The following HNF4G variants were observed in gnomAD, a reference collection of about 807,000 sequenced individuals.
HNF4G encodes the protein hepatocyte nuclear factor 4-gamma.
A neutral mutation model predicts 50.9 loss-of-function variants in HNF4G; 21 were observed. The ratio of observed to expected loss-of-function variants is 0.41; its 90% CI spans 0.29 to 0.59. The LOEUF (loss-of-function observed/expected upper bound fraction) is 0.59, where lower values mean the gene tolerates loss of function less well. HNF4G is among the 20% of genes least tolerant of loss of function. HNF4G has a pLI of 0.26. For synonymous variants in HNF4G, 198 were observed against 185.6 expected (o/e 1.07, Z -0.54); for missense variants, 527 against 559.4 (o/e 0.94, Z 0.58).
rs542246055 is a variant in HNF4G, at chr8:75,466,570, CTCCTTCCTTCCT to C, written c.-143-23464_-143-23453del. 6.1e-3 allele frequency among the ~76,000 whole-genome samples: 398 copies of C among 64,878 alleles called. 18 individuals carry two copies. Among genetic ancestry groups the C allele is most frequent in the Middle Eastern group, 0.031 (3 of 96 alleles). 42.6% of individuals were successfully genotyped at this position (64,878 alleles called of 152,430 possible). A position where few individuals can be genotyped will look rare whatever the true frequency, so the allele number is the denominator to read the frequency against. ...CTCCTTCTTCTCTTCTCTTTTCTCG[CTCCTTCCTTCCT>C]TCCTTCCTTCCTTCCTTCCTTCCTT... is the stretch of plus-strand genomic sequence containing the variant. On this transcript the variant is annotated intron_variant, in intron 1 of 10. Coordinates refer to the HNF4G transcript ENST00000354370.
At chr8:75,448,417 C>A (rs2130569372) in intron 1 of HNF4G, among the ~76,000 whole-genome samples, 2 of 60,310 alleles carry the variant, frequency 3.3e-5, no homozygotes, top group African/African-American at 8.1e-5. Flanking sequence ...TACCCTAAAA[C>A]TTAAAGTATA....
intron 2 of HNF4G, among the ~76,000 whole-genome samples, chr8:75,523,000 G>A (rs1806086253): frequency 6.6e-6 from 1 of 152,064 alleles, no homozygotes; most frequent in African/African-American, 2.4e-5. Context: ...GTCTAGCAGG[G>A]TGGATCACGA....
At chr8:75,526,778 T>C (rs1487339645) in intron 2 of HNF4G, among the ~76,000 whole-genome samples, 2 of 151,752 alleles carry the variant, frequency 1.3e-5, no homozygotes, top group South Asian at 2.1e-4. Context: ...TCTTTTTTTT[T>C]TTCTTTGAGA....
chr8:75,465,215 A>G, intron 1 of HNF4G, among the ~76,000 whole-genome samples: 1 of 152,202 alleles, frequency 6.6e-6, no homozygotes, highest in East Asian at 1.9e-4. Context: ...CTATGCAAAA[A>G]TTGTTAAAGT....
chr8:75,507,481 G>A (rs951752759), intron 2 of HNF4G, among the ~76,000 whole-genome samples: 1 of 152,104 alleles, frequency 6.6e-6, no homozygotes, highest in Admixed American at 6.5e-5. Context: ...GGCTGGTCTC[G>A]AACTCTTGAC....
intron 2 of HNF4G, among the ~76,000 whole-genome samples, chr8:75,523,093 C>T (rs900204495): frequency 2.0e-5 from 3 of 151,910 alleles, no homozygotes; most frequent in Non-Finnish European, 4.4e-5. Flanking sequence ...AGCTTGGTGG[C>T]GGGCACCTGT....
chr8:75,501,019 G>A (rs912168969), intron 2 of HNF4G, among the ~76,000 whole-genome samples: 2 of 151,898 alleles, frequency 1.3e-5, no homozygotes, highest in East Asian at 3.9e-4. Context: ...TATATAAAAT[G>A]TGTTTATAGT....
At chr8:75,455,650 T>C (rs554449970) in intron 1 of HNF4G, among the ~76,000 whole-genome samples, 2 of 152,308 alleles carry the variant, frequency 1.3e-5, no homozygotes, top group African/African-American at 4.8e-5. Flanking sequence ...TCAGTTCTGT[T>C]TGATTTTGCA....
At chr8:75,462,781 A>G (rs1811885311) in intron 1 of HNF4G, among the ~76,000 whole-genome samples, 1 of 152,164 alleles carries the variant, frequency 6.6e-6, no homozygotes, top group East Asian at 1.9e-4. Context: ...TCAGATAAAT[A>G]TCTTAGTGTT....
Position 75,462,698 on chromosome 8 carries a change from G to A in HNF4G, c.-143-27391G>A, listed in dbSNP as rs183362132. Among the ~76,000 whole-genome samples the A allele has an allele frequency of 1.3e-3, 192 of 152,150 alleles. 1 individual carries two copies. The highest frequency in any genetic ancestry group is 4.4e-3 in the African/African-American group (182 of 41,510). On this transcript the variant is annotated intron_variant, in intron 1 of 10. Coordinates refer to the HNF4G transcript ENST00000354370. ...GATTAATGATCACTACAATGATTACGGTAGTGTAATATAATAGAAATAGCT... is the reference window on the plus strand; with the variant it reads ...GATTAATGATCACTACAATGATTACAGTAGTGTAATATAATAGAAATAGCT...
chr8:75,546,460 T>C (rs1469764352), intron 2 of HNF4G, among the ~76,000 whole-genome samples: 2 of 152,068 alleles, frequency 1.3e-5, no homozygotes, highest in East Asian at 3.9e-4. Context: ...ACAGTCAAAT[T>C]TGACCATTTT....
At position 75,449,509 on chromosome 8, in the gene HNF4G, C is replaced by CTTT. The variant is rs71271864; in HGVS notation, c.-143-40567_-143-40565dup. Among the ~76,000 whole-genome samples, 1,176 of 129,294 alleles carry CTTT rather than the reference C, an allele frequency of 9.1e-3. 32 individuals carry two copies. Among genetic ancestry groups the CTTT allele is most frequent in the Middle Eastern group, 0.028 (6 of 216 alleles). The allele number at this position is 129,294 out of a possible 152,430, so 84.8% of individuals were successfully genotyped here. A position where few individuals can be genotyped will look rare whatever the true frequency, so the allele number is the denominator to read the frequency against. On this transcript the variant is annotated intron_variant, in intron 1 of 10. Transcript: ENST00000354370. ...CTCAGTAATATATATATATTTTTTT[C>CTTT]TTTTTTTTTTTTTTTGAGACGGAGT...
intron 2 of HNF4G, among the ~76,000 whole-genome samples, chr8:75,513,030 A>G (rs1404713723): frequency 6.6e-6 from 1 of 151,982 alleles, no homozygotes; most frequent in African/African-American, 2.4e-5. Context: ...TAATGAACTG[A>G]TAGAGTTTTT....
chr8:75,447,760 A>G (rs1336015143), intron 1 of HNF4G, among the ~76,000 whole-genome samples: 2 of 141,892 alleles, frequency 1.4e-5, no homozygotes, highest in African/African-American at 5.2e-5. Flanking sequence ...TTAGAATGGC[A>G]ATCATTAAAA....
At chr8:75,556,442 T>G (rs1807129116) in intron 6 of HNF4G, among the ~76,000 whole-genome samples, 1 of 152,288 alleles carries the variant, frequency 6.6e-6, no homozygotes, top group East Asian at 1.9e-4. Flanking sequence ...TTTTACACAC[T>G]TTAAAAAAAC....
At chr8:75,414,164 G>A (rs1810572469) in intron 1 of HNF4G, among the ~76,000 whole-genome samples, 1 of 151,896 alleles carries the variant, frequency 6.6e-6, no homozygotes, top group South Asian at 2.1e-4. Context: ...GTGCCTTTTT[G>A]TAATTTTTCC....
intron 1 of HNF4G, among the ~76,000 whole-genome samples, chr8:75,466,626 TTCC>T (rs1445582756): frequency 1.2e-5 from 1 of 83,100 alleles, no homozygotes; most frequent in Admixed American, 1.1e-4. Context: ...CCTTCCTTCC[TTCC>T]TTCCTTCTCC....
intron 1 of HNF4G, among the ~76,000 whole-genome samples, chr8:75,437,950 C>T (rs913905744): frequency 6.6e-6 from 1 of 152,078 alleles, no homozygotes; most frequent in African/African-American, 2.4e-5. Flanking sequence ...AAATAAAATG[C>T]TATGAGTGAA....
chr8:75,482,737 C>T (rs1445831379), intron 1 of HNF4G, among the ~76,000 whole-genome samples: 7 of 152,148 alleles, frequency 4.6e-5, no homozygotes. Flanking sequence ...AGAACACTGA[C>T]AAGTTTATAT....
Sources: allele counts gnomAD v4.1 joint callset (sites outside exome capture counted in the v4.1 genomes callset), GRCh38; gene constraint gnomAD v4.1.1; transcripts MANE v1.5; gene names NCBI Gene and HGNC (gene_info 2026-07-23, HGNC 2026-07-21).